The following PUDP variants were observed in gnomAD, a reference collection of about 807,000 sequenced individuals.
PUDP encodes pseudouridine 5'-phosphatase.
Under a neutral mutation model 9.4 loss-of-function variants are expected in PUDP, and 8 were observed. The ratio of observed to expected loss-of-function variants is 0.85; its 90% CI spans 0.50 to 1.53. The LOEUF is 1.53. Ranked by LOEUF, PUDP falls within the 40% of genes most tolerant of loss-of-function variation. The pLI is 0.00. For synonymous variants in PUDP, 99 were observed against 80.7 expected (o/e 1.23, Z -1.22); for missense variants, 188 against 189.7 (o/e 0.99, Z 0.05).
chrX:7,105,992 T>C (rs1290814372), intron 1 of PUDP, among the ~76,000 whole-genome samples, 154 bp from the exon 2 acceptor site: 2 of 112,046 alleles, frequency 1.8e-5, no homozygotes, highest in Non-Finnish European at 3.8e-5. Flanking sequence ...TGCAGGTCAT[T>C]CTCACTAAAT....
chrX:6,930,509 C>T (rs772526207), intron 3 of PUDP, among the ~76,000 whole-genome samples: 1 of 111,449 alleles, frequency 9.0e-6, no homozygotes, highest in Non-Finnish European at 1.9e-5. Flanking sequence ...GCAGTTACCC[C>T]ATATGGTCTA....
At chrX:6,945,038 G>C (rs1928446142) in intron 3 of PUDP, among the ~76,000 whole-genome samples, 1 of 111,844 alleles carries the variant, frequency 8.9e-6, no homozygotes, top group South Asian at 3.8e-4. Flanking sequence ...TTATGGCTTT[G>C]CCTGTAACCT....
intron 3 of PUDP, among the ~76,000 whole-genome samples, chrX:6,813,182 AAG>A (rs1368664359): frequency 4.5e-5 from 5 of 111,067 alleles, no homozygotes; most frequent in Non-Finnish European, 9.4e-5. Context: ...AGAACAAAGA[AAG>A]AGAAAAAAAA....
At position 6,900,722 on chromosome X, in the gene PUDP, T is replaced by C. The variant is rs191429659; in HGVS notation, c.*247+76411A>G. On this transcript the variant is annotated intron_variant and NMD_transcript_variant, in intron 3 of 3. Transcript: ENST00000655425. ...TGTACTTTCTTTTTTAGAGAGGGAG[T>C]CAACCACTGAGGACACGAGGGCATA... is the stretch of plus-strand genomic sequence containing the variant. Among the ~76,000 whole-genome samples the C allele has an allele frequency of 2.6e-3, 280 of 107,461 alleles. 2 individuals are homozygous for C. Among genetic ancestry groups the C allele is most frequent in the Non-Finnish European group, 3.6e-3 (186 of 52,118 alleles). The allele number at this position is 107,461 out of a possible 115,157, so 93.3% of individuals were successfully genotyped here.
intron 3 of PUDP, among the ~76,000 whole-genome samples, chrX:6,748,660 G>A (rs1277290228): frequency 8.9e-6 from 1 of 111,939 alleles, no homozygotes; most frequent in African/African-American, 3.2e-5. Flanking sequence ...CACATGCAGA[G>A]ACCATGCAAG....
intron 1 of PUDP, among the ~76,000 whole-genome samples, chrX:7,106,458 A>G (rs760670776): frequency 1.8e-5 from 2 of 112,660 alleles, no homozygotes; most frequent in Non-Finnish European, 3.8e-5. Flanking sequence ...TGCTTTCCTC[A>G]CGCTTACACA....
chrX:6,817,731 T>G (rs1398029198), intron 3 of PUDP, among the ~76,000 whole-genome samples: 1 of 111,275 alleles, frequency 9.0e-6, no homozygotes, highest in Non-Finnish European at 1.9e-5. Context: ...ACACTTTCCT[T>G]AATCATCTCT....
chrX:6,855,172 A>G lies in PUDP; in HGVS notation c.*247+121961T>C, dbSNP rs542799637. Among the ~76,000 whole-genome samples, 17 of 109,903 alleles carry G rather than the reference A, an allele frequency of 1.5e-4. No homozygotes were observed. The East Asian group carries it at 2.4e-3, about 15-fold the overall frequency. ...AATAAGGAGGATGAACACCTTTATG[A>G]TGATCCACTTCCACTTAATGAATAG... is the stretch of plus-strand genomic sequence containing the variant. On this transcript the variant is annotated intron_variant and NMD_transcript_variant, in intron 3 of 3. Transcript: ENST00000655425.
At chrX:6,768,935 C>T (rs948314922) in intron 3 of PUDP, among the ~76,000 whole-genome samples, 1 of 112,017 alleles carries the variant, frequency 8.9e-6, no homozygotes, top group African/African-American at 3.2e-5. Context: ...GAAAAGGCCG[C>T]CATACCATTG....
chrX:6,965,350 T>C (rs1298124505), intron 3 of PUDP, among the ~76,000 whole-genome samples: 1 of 112,031 alleles, frequency 8.9e-6, no homozygotes, highest in South Asian at 3.7e-4. Flanking sequence ...TCAACAGACA[T>C]GGAAAAGATA....
chrX:6,972,461 T>C (rs1002230251), intron 3 of PUDP, among the ~76,000 whole-genome samples: 2 of 112,357 alleles, frequency 1.8e-5, no homozygotes, highest in African/African-American at 6.5e-5. Flanking sequence ...TCTGCTGAGA[T>C]AATCATGTGG....
chrX:6,954,534 G>A (rs889659037), intron 3 of PUDP, among the ~76,000 whole-genome samples: 1 of 111,321 alleles, frequency 9.0e-6, no homozygotes, highest in South Asian at 3.8e-4. Context: ...AAGGTTAGAG[G>A]GGCAGTCCTC....
intron 3 of PUDP, among the ~76,000 whole-genome samples, chrX:6,840,237 C>T (rs1279517262): frequency 8.9e-6 from 1 of 111,978 alleles, no homozygotes; most frequent in East Asian, 2.8e-4. Flanking sequence ...CTTTCGCCTT[C>T]TGCCATGATT....
rs185416520 is a variant in PUDP at position 7,068,214 on chromosome X, G to T, written c.510+9006C>A. Among the ~76,000 whole-genome samples the T allele has an allele frequency of 1.3e-3, 147 of 112,398 alleles. 1 individual carries two copies. The highest frequency in any genetic ancestry group is 2.4e-3 in the Non-Finnish European group (127 of 53,312). ...TAACTACTAAATTCTAATAAGAAAT[G>T]ACATTGGCTATTATTAAAACTAAAT... On this transcript the variant is annotated intron_variant, in intron 3 of 3. Transcript: ENST00000381077.
intron 3 of PUDP, among the ~76,000 whole-genome samples, chrX:6,836,344 T>C (rs943134042): frequency 1.5e-4 from 17 of 112,015 alleles, no homozygotes; most frequent in African/African-American, 4.9e-4. Context: ...CATAGTTCTG[T>C]AAGTCCGAAT....
chrX:6,845,179 A>C (rs902979735), intron 3 of PUDP, among the ~76,000 whole-genome samples: 2 of 112,130 alleles, frequency 1.8e-5, no homozygotes, highest in African/African-American at 3.2e-5. Context: ...ACCATTACAC[A>C]AATGAATGCT....
downstream of PUDP, among the ~76,000 whole-genome samples, chrX:7,046,335 C>T (rs1929983669): frequency 8.9e-6 from 1 of 111,978 alleles, no homozygotes; most frequent in African/African-American, 3.3e-5. Flanking sequence ...CATGTGAGGA[C>T]ACAGGGAGAA....
At chrX:7,061,759 G>T (rs1490441123) in intron 3 of PUDP, among the ~76,000 whole-genome samples, 1 of 111,674 alleles carries the variant, frequency 9.0e-6, no homozygotes, top group African/African-American at 3.3e-5. Context: ...ACTATTCCAG[G>T]TAGCAGTCTT....
intron 3 of PUDP, among the ~76,000 whole-genome samples, chrX:6,903,950 ATATT>A (rs766198675): frequency 0.035 from 3,553 of 101,793 alleles, 84 homozygotes; most frequent in Non-Finnish European, 0.051. Context: ...AAATATATAT[ATATT>A]TATTTTTTTT....
Sources: gnomAD v4.1 joint callset for allele counts (sites outside exome capture counted in the v4.1 genomes callset) on GRCh38, gnomAD v4.1.1 for gene constraint, MANE v1.5 for transcripts, NCBI Gene and HGNC (gene_info 2026-07-23, HGNC 2026-07-21) for gene names.